Variants in SLC44A5 observed in about 807,000 individuals in gnomAD.
SLC44A5 encodes choline transporter-like protein 5.
In SLC44A5, 57 loss-of-function variants were observed where a neutral mutation model predicts 101.8. The observed-to-expected ratio is 0.56, with a 90% confidence interval of 0.45 to 0.70. The LOEUF is 0.70. SLC44A5 is among the 30% of genes least tolerant of loss of function. The pLI is 0.00. For missense variants in SLC44A5, 737 were observed against 853.1 expected (o/e 0.86, Z 1.70); for synonymous variants, 281 against 290.9 (o/e 0.97, Z 0.35).
chr1:75,297,925 C>T (rs1196077574), intron 5 of SLC44A5, among the ~76,000 whole-genome samples: 1 of 152,126 alleles, frequency 6.6e-6, no homozygotes, highest in Non-Finnish European at 1.5e-5. Context: ...AGAACAGTTT[C>T]TCTCAGCAGA....
intron 1 of SLC44A5, among the ~76,000 whole-genome samples, chr1:75,586,321 C>T (rs1306206495): frequency 6.6e-6 from 1 of 151,796 alleles, no homozygotes; most frequent in East Asian, 1.9e-4. Context: ...TTCTCAGTCT[C>T]CAAAACAGAA....
intron 3 of SLC44A5, among the ~76,000 whole-genome samples, chr1:75,362,253 TG>T (rs1228089578): frequency 6.6e-6 from 1 of 151,834 alleles, no homozygotes; most frequent in East Asian, 1.9e-4. Context: ...TTCGTTTCAT[TG>T]ATTTTTTTTC....
intron 4 of SLC44A5, among the ~76,000 whole-genome samples, chr1:75,335,848 GC>G (rs1437745828): frequency 5.3e-5 from 8 of 152,170 alleles, no homozygotes; most frequent in African/African-American, 1.4e-4. Flanking sequence ...CTGTGGCCCT[GC>G]CCAGGAATCA....
At chr1:75,684,960 A>C in the SLC44A5 span, among the ~76,000 whole-genome samples, 2 of 152,228 alleles carry the variant, frequency 1.3e-5, no homozygotes, top group Non-Finnish European at 2.9e-5. Flanking sequence ...CTGCCCCTGC[A>C]GCAAACCTCT....
the SLC44A5 span, among the ~76,000 whole-genome samples, chr1:75,692,692 AAAAGG>A: frequency 6.6e-6 from 1 of 152,168 alleles, no homozygotes. Context: ...TTATTATCTA[AAAAGG>A]AAAGGAATGG....
chr1:75,219,073 C>G (rs1402983481), intron 16 of SLC44A5, among the ~76,000 whole-genome samples, 184 bp downstream of exon 16: 17 of 152,214 alleles, frequency 1.1e-4, no homozygotes, highest in Non-Finnish European at 2.4e-4. Context: ...TGCTTTCTCT[C>G]CATTCCACCC....
At chr1:75,337,188 T>C (rs1225320003) in intron 4 of SLC44A5, among the ~76,000 whole-genome samples, 1 of 152,106 alleles carries the variant, frequency 6.6e-6, no homozygotes, top group African/African-American at 2.4e-5. Flanking sequence ...TTCCCATTCT[T>C]GTTTTCTTTC....
intron 1 of SLC44A5, among the ~76,000 whole-genome samples, chr1:75,554,280 C>A (rs182240723): frequency 6.6e-6 from 1 of 152,004 alleles, no homozygotes; most frequent in African/African-American, 2.4e-5. Flanking sequence ...AGTTTGAGAC[C>A]AGTCTGGCTA....
At chr1:75,470,215 C>T (rs981265430) in intron 2 of SLC44A5, among the ~76,000 whole-genome samples, 1 of 152,122 alleles carries the variant, frequency 6.6e-6, no homozygotes, top group Non-Finnish European at 1.5e-5. Flanking sequence ...ATGAAGTCTA[C>T]ACGTGAAGCT....
the SLC44A5 span, among the ~76,000 whole-genome samples, chr1:75,631,914 G>A: frequency 6.6e-6 from 1 of 152,078 alleles, no homozygotes; most frequent in East Asian, 1.9e-4. Flanking sequence ...CAATCTGCCA[G>A]CCTTGGCCTC....
chr1:75,719,538 C>T, the SLC44A5 span, among the ~76,000 whole-genome samples: 1 of 152,258 alleles, frequency 6.6e-6, no homozygotes, highest in African/African-American at 2.4e-5. Context: ...ATAATTTGGA[C>T]TAAATCCTGA....
intron 2 of SLC44A5, chr1:75,398,309 C>T: frequency 1.1e-6 from 1 of 881,358 alleles, no homozygotes; most frequent in Non-Finnish European, 1.4e-6. Flanking sequence ...GCCCTCTACT[C>T]CAATTTTCTC....
chr1:75,640,488 G>A, the SLC44A5 span, among the ~76,000 whole-genome samples: 1 of 152,086 alleles, frequency 6.6e-6, no homozygotes, highest in Non-Finnish European at 1.5e-5. Flanking sequence ...ACAGAGAAGT[G>A]TGATTCATTG....
chr1:75,588,645 A>G lies in SLC44A5; in HGVS notation c.-70+22395T>C, dbSNP rs568023840. ...CATATTAAGAAAAATCATTTGGGGA[A>G]CATTGTACCCGGCATGATAGAAAAC... On this transcript the variant is annotated intron_variant, in intron 1 of 23. Transcript: ENST00000370859. Among the ~76,000 whole-genome samples the G allele has an allele frequency of 5.9e-5, 9 of 152,336 alleles. No homozygotes were observed. In the South Asian group the frequency reaches 1.9e-3, roughly 32 times the overall value.
intron 1 of SLC44A5, among the ~76,000 whole-genome samples, chr1:75,562,055 A>G (rs1451883631): frequency 6.6e-6 from 1 of 152,176 alleles, no homozygotes; most frequent in East Asian, 1.9e-4. Flanking sequence ...CCTGTGACAC[A>G]TGTATACTTA....
chr1:75,698,996 G>A, the SLC44A5 span, among the ~76,000 whole-genome samples: 2 of 152,160 alleles, frequency 1.3e-5, no homozygotes, highest in African/African-American at 4.8e-5. Context: ...AGAAATATGG[G>A]ACTATGTGAA....
chr1:75,719,760 T>C, the SLC44A5 span, among the ~76,000 whole-genome samples: 14 of 152,308 alleles, frequency 9.2e-5, no homozygotes, highest in African/African-American at 3.4e-4. Context: ...CCGAGAAAAC[T>C]AAAGTCATAG....
chr1:75,335,880 A>G lies in SLC44A5; in HGVS notation c.101+3702T>C, dbSNP rs115086503. Among the ~76,000 whole-genome samples the G allele has an allele frequency of 8.8e-3, 1,343 of 152,282 alleles. 23 individuals carry two copies. Among genetic ancestry groups the G allele is most frequent in the African/African-American group, 0.031 (1,285 of 41,556 alleles). ...AATCAGCACCTCTGACACCAGCCTC[A>G]GAGTGCCCGTCCTTCCCTGAAATCC... On this transcript the variant is annotated intron_variant, in intron 4 of 23. Coordinates refer to ENST00000370859, the MANE Select transcript of SLC44A5 (RefSeq NM_001130058.2).
intron 2 of SLC44A5, among the ~76,000 whole-genome samples, chr1:75,416,782 TA>T (rs1237084644): frequency 6.6e-6 from 1 of 152,238 alleles, no homozygotes; most frequent in African/African-American, 2.4e-5. Context: ...TTTGGAGCTT[TA>T]AAATTTGACT....
Sources: allele counts gnomAD v4.1 joint callset (sites outside exome capture counted in the v4.1 genomes callset), GRCh38; gene constraint gnomAD v4.1.1; transcripts MANE v1.5; gene names NCBI Gene and HGNC (gene_info 2026-07-23, HGNC 2026-07-21).